THRB: variants seen among roughly 807,000 people sequenced by gnomAD.
THRB encodes nuclear receptor subfamily 1 group A member 2.
In THRB, 12 loss-of-function variants were observed where a neutral mutation model predicts 47.8. The observed-to-expected ratio is 0.25, with a 90% CI of 0.16 to 0.41. The LOEUF (loss-of-function observed/expected upper bound fraction) is 0.41, where lower values mean the gene tolerates loss of function less well. Ranked by LOEUF, THRB falls within the 10% of genes least tolerant of loss-of-function variation. THRB has a pLI of 1.00. For synonymous variants in THRB, 218 were observed against 212.2 expected, an observed-to-expected ratio of 1.03 and a Z score of -0.24; for missense variants, 348 against 589.2, an observed-to-expected ratio of 0.59 and a Z score of 4.24.
chr3:24,243,271 T>G (rs1013527727), intron 3 of THRB, among the ~76,000 whole-genome samples: 1 of 151,848 alleles, frequency 6.6e-6, no homozygotes, highest in Admixed American at 6.6e-5. Flanking sequence ...CCTTGCCCCT[T>G]CTCATCTCTG....
At chr3:24,218,283 A>C (rs1394750117) in intron 4 of THRB, among the ~76,000 whole-genome samples, 1 of 151,408 alleles carries the variant, frequency 6.6e-6, no homozygotes, top group Non-Finnish European at 1.5e-5. Flanking sequence ...AAAACAAAAA[A>C]CAAAAAAAAA....
At chr3:24,491,055 C>G (rs186065975) in intron 1 of THRB, among the ~76,000 whole-genome samples, 17 of 152,302 alleles carry the variant, frequency 1.1e-4, no homozygotes, top group African/African-American at 3.8e-4. Context: ...AGCACCATGG[C>G]AGGCACTCTA....
chr3:24,174,597 A>T (rs542117243), intron 5 of THRB, among the ~76,000 whole-genome samples: 1 of 152,302 alleles, frequency 6.6e-6, no homozygotes, highest in South Asian at 2.1e-4. Context: ...AAAGACTTAG[A>T]AGTCTTTTGC....
intron 1 of THRB, among the ~76,000 whole-genome samples, chr3:24,424,661 C>T (rs2069584665): frequency 6.6e-6 from 1 of 152,008 alleles, no homozygotes; most frequent in South Asian, 2.1e-4. Context: ...TAAATTTTCA[C>T]AGCCTAGAAT....
intron 1 of THRB, among the ~76,000 whole-genome samples, chr3:24,369,505 A>G (rs1193433642): frequency 6.6e-6 from 1 of 152,182 alleles, no homozygotes; most frequent in Non-Finnish European, 1.5e-5. Context: ...AGAAAACATG[A>G]GTAGAAAATA....
intron 1 of THRB, among the ~76,000 whole-genome samples, chr3:24,411,919 T>A (rs994084576): frequency 2.0e-5 from 3 of 151,944 alleles, no homozygotes; most frequent in Non-Finnish European, 2.9e-5. Context: ...GGGTCATTAC[T>A]GTGGCTGAGG....
intron 1 of THRB, among the ~76,000 whole-genome samples, chr3:24,481,837 TAAAAA>T (rs35810270): frequency 8.4e-6 from 1 of 118,934 alleles, no homozygotes; most frequent in Non-Finnish European, 1.9e-5. Flanking sequence ...ATATGGACCA[TAAAAA>T]AAAAAAAAAA....
chr3:24,338,725 C>A (rs1262143346), intron 1 of THRB, among the ~76,000 whole-genome samples: 3 of 152,146 alleles, frequency 2.0e-5, no homozygotes, highest in Non-Finnish European at 2.9e-5. Flanking sequence ...GGTTCTTCCA[C>A]CCTATGACTC....
intron 4 of THRB, among the ~76,000 whole-genome samples, chr3:24,202,990 C>G (rs1017560679): frequency 2.0e-5 from 3 of 152,178 alleles, no homozygotes; most frequent in Admixed American, 2.0e-4. Context: ...CAAATGGGAA[C>G]TCTTGTAATT....
intron 10 of THRB, among the ~76,000 whole-genome samples, chr3:24,126,343 T>G (rs1295712135): frequency 6.6e-6 from 1 of 152,034 alleles, no homozygotes; most frequent in Non-Finnish European, 1.5e-5. Context: ...TTTACACCAC[T>G]GCACTCCAGC....
At chr3:24,274,757 G>A (rs1559797770) in intron 3 of THRB, among the ~76,000 whole-genome samples, 1 of 152,114 alleles carries the variant, frequency 6.6e-6, no homozygotes, top group Non-Finnish European at 1.5e-5. Context: ...TCCCCAATTG[G>A]TGGTTGTTGG....
At chr3:24,208,179 G>T (rs2045607232) in intron 4 of THRB, among the ~76,000 whole-genome samples, 3 of 151,122 alleles carry the variant, frequency 2.0e-5, no homozygotes, top group Non-Finnish European at 4.4e-5. Context: ...ACAAACCATT[G>T]CTCAACAAAA....
chr3:24,315,997 A>G (rs1220362928), intron 2 of THRB, among the ~76,000 whole-genome samples: 1 of 152,132 alleles, frequency 6.6e-6, no homozygotes, highest in Non-Finnish European at 1.5e-5. Context: ...GAAAAGCATT[A>G]TTTTGAAAGT....
chr3:24,278,453 T>G (rs904546257), intron 3 of THRB, among the ~76,000 whole-genome samples: 2 of 152,230 alleles, frequency 1.3e-5, no homozygotes. Context: ...TATAGAATAT[T>G]TGACCTCTAG....
chr3:24,221,002 A>G (rs141583717), intron 4 of THRB, among the ~76,000 whole-genome samples: 193 of 152,330 alleles, frequency 1.3e-3, no homozygotes, highest in African/African-American at 4.5e-3. Context: ...TACAGAACCA[A>G]GACAAGAAAG....
chr3:24,170,388 A>G (rs964120235), intron 5 of THRB, among the ~76,000 whole-genome samples: 1 of 152,090 alleles, frequency 6.6e-6, no homozygotes, highest in Non-Finnish European at 1.5e-5. Flanking sequence ...GCTTTGGCCC[A>G]CTTTAATATT....
chr3:24,454,988 C>T (rs192208299), intron 1 of THRB: 3 of 151,812 alleles, frequency 2.0e-5, no homozygotes, highest in Non-Finnish European at 4.4e-5. Flanking sequence ...TGACCAAAGT[C>T]GCTAACAATT....
chr3:24,466,975 T>C (rs1305702073), intron 1 of THRB, among the ~76,000 whole-genome samples: 1 of 152,248 alleles, frequency 6.6e-6, no homozygotes, highest in African/African-American at 2.4e-5. Flanking sequence ...TAGTGTATGA[T>C]GCTGTTTGAT....
chr3:24,165,508 AAC>A, intron 5 of THRB: 1 of 586,196 alleles, frequency 1.7e-6, no homozygotes, highest in Admixed American at 3.1e-5. Flanking sequence ...CACCACCACC[AAC>A]ACAGCAACCC....
Sources: allele counts gnomAD v4.1 joint callset (sites outside exome capture counted in the v4.1 genomes callset), GRCh38; gene constraint gnomAD v4.1.1; transcripts MANE v1.5; gene names NCBI Gene and HGNC (gene_info 2026-07-23, HGNC 2026-07-21).